GJB7: variants seen among roughly 807,000 people sequenced by gnomAD.
GJB7 encodes the protein gap junction beta-7 protein.
For synonymous variants in GJB7, 87 were observed against 95.2 expected (o/e 0.91, Z 0.50); for missense variants, 253 against 256.8 (o/e 0.99, Z 0.10).
chr6:87,328,515 G>A (rs187153837), intron 1 of GJB7, among the ~76,000 whole-genome samples: 2 of 151,604 alleles, frequency 1.3e-5, no homozygotes, highest in Non-Finnish European at 2.9e-5. Context: ...CCGGCCGTGT[G>A]AGGTATCAGT....
intron 1 of GJB7, among the ~76,000 whole-genome samples, chr6:87,327,343 C>T (rs1776852468): frequency 6.6e-6 from 1 of 152,014 alleles, no homozygotes; most frequent in Admixed American, 6.6e-5. Flanking sequence ...TTAGTTGATA[C>T]AGTTTCTTCC....
intron 2 of GJB7, chr6:87,299,428 T>C: frequency 2.1e-6 from 1 of 469,008 alleles, no homozygotes; most frequent in South Asian, 1.7e-5. Flanking sequence ...TATTTCTCCA[T>C]ACTTTATTAA....
intron 1 of GJB7, among the ~76,000 whole-genome samples, chr6:87,327,581 C>G (rs1242388142): frequency 6.7e-6 from 1 of 150,130 alleles, no homozygotes; most frequent in East Asian, 1.9e-4. Context: ...TGAATATTGG[C>G]CCCCACTCTC....
intron 2 of GJB7, among the ~76,000 whole-genome samples, chr6:87,296,010 TGA>T (rs1252844065): frequency 2.0e-5 from 3 of 152,248 alleles, no homozygotes; most frequent in African/African-American, 7.2e-5. Flanking sequence ...TTCTGGTTGT[TGA>T]GTCAACAAAT....
intron 2 of GJB7, among the ~76,000 whole-genome samples, chr6:87,289,590 G>GGCTT (rs1776128720): frequency 6.6e-6 from 1 of 152,126 alleles, no homozygotes. Context: ...CAGGTCTCTG[G>GGCTT]GCTTGGCTCA....
At chr6:87,302,959 T>A (rs1486196492) in intron 2 of GJB7, among the ~76,000 whole-genome samples, 1 of 152,126 alleles carries the variant, frequency 6.6e-6, no homozygotes, top group Non-Finnish European at 1.5e-5. Context: ...AATAAAATCC[T>A]TTACAGACAA....
intron 2 of GJB7, among the ~76,000 whole-genome samples, chr6:87,315,428 A>G (rs547321328): frequency 6.6e-6 from 1 of 152,300 alleles, no homozygotes; most frequent in Non-Finnish European, 1.5e-5. Context: ...ACTTGGATGT[A>G]TTTTAACAGG....
At chr6:87,286,468 G>A (rs1269322895) in intron 2 of GJB7, among the ~76,000 whole-genome samples, 1 of 152,078 alleles carries the variant, frequency 6.6e-6, no homozygotes, top group African/African-American at 2.4e-5. Context: ...ACTCTCATTA[G>A]GTTCTATTTC....
chr6:87,310,409 A>T (rs1776498511), intron 2 of GJB7, among the ~76,000 whole-genome samples: 1 of 152,178 alleles, frequency 6.6e-6, no homozygotes, highest in Admixed American at 6.5e-5. Context: ...CAATCAGAGG[A>T]TGGGAGAAGA....
chr6:87,295,729 AC>A (rs1252101365), intron 2 of GJB7, among the ~76,000 whole-genome samples: 1 of 152,156 alleles, frequency 6.6e-6, no homozygotes, highest in Non-Finnish European at 1.5e-5. Context: ...ACCATGGCTG[AC>A]CGTCAGCAGA....
intron 2 of GJB7, among the ~76,000 whole-genome samples, chr6:87,291,543 T>A (rs1776173793): frequency 6.6e-6 from 1 of 152,150 alleles, no homozygotes; most frequent in South Asian, 2.1e-4. Flanking sequence ...GCTCCTCTGT[T>A]CCCCCTCGTC....
At chr6:87,300,655 G>T (rs1776307641) in intron 2 of GJB7, among the ~76,000 whole-genome samples, 1 of 152,210 alleles carries the variant, frequency 6.6e-6, no homozygotes, top group Non-Finnish European at 1.5e-5. Flanking sequence ...AATTTATTTT[G>T]TATTTTTGTA....
chr6:87,310,888 T>G (rs922819184), intron 2 of GJB7, among the ~76,000 whole-genome samples: 1 of 152,202 alleles, frequency 6.6e-6, no homozygotes, highest in African/African-American at 2.4e-5. Context: ...ATTATATTAC[T>G]ATAAAACTTT....
intron 2 of GJB7, among the ~76,000 whole-genome samples, chr6:87,297,784 A>C (rs1776267421): frequency 6.6e-6 from 1 of 152,226 alleles, no homozygotes; most frequent in African/African-American, 2.4e-5. Context: ...GCACTGAGTT[A>C]GTGGTGCTCC....
intron 1 of GJB7, among the ~76,000 whole-genome samples, chr6:87,323,406 C>T (rs1776721955): frequency 6.7e-6 from 1 of 149,040 alleles, no homozygotes; most frequent in Admixed American, 6.7e-5. Flanking sequence ...GTATATCTCC[C>T]AATGCTATCC....
chr6:87,317,035 T>C (rs1427728103), intron 2 of GJB7, among the ~76,000 whole-genome samples: 3 of 152,116 alleles, frequency 2.0e-5, no homozygotes, highest in African/African-American at 7.2e-5. Flanking sequence ...TGTGCTTCCA[T>C]AGAATCTTGT....
intron 2 of GJB7, among the ~76,000 whole-genome samples, chr6:87,288,488 A>G (rs1008576422): frequency 1.3e-5 from 2 of 152,122 alleles, no homozygotes; most frequent in Admixed American, 1.3e-4. Context: ...ATGACTCCCA[A>G]ATTATGTATC....
At chr6:87,310,141 T>C (rs1256410927) in intron 2 of GJB7, among the ~76,000 whole-genome samples, 1 of 152,148 alleles carries the variant, frequency 6.6e-6, no homozygotes, top group Non-Finnish European at 1.5e-5. Flanking sequence ...ACTCACACGA[T>C]ACACAAAATA....
At chr6:87,299,960 G>A in intron 2 of GJB7, 2 of 325,638 alleles carry the variant, frequency 6.1e-6, no homozygotes, top group Non-Finnish European at 1.2e-5. Context: ...AGATGGAGTA[G>A]CAGTGCTGAA....
Sources: gnomAD v4.1 joint callset for allele counts (sites outside exome capture counted in the v4.1 genomes callset) on GRCh38, gnomAD v4.1.1 for gene constraint, MANE v1.5 for transcripts, NCBI Gene and HGNC (gene_info 2026-07-23, HGNC 2026-07-21) for gene names.